Variants in PNPLA7 observed in about 807,000 individuals in gnomAD.
PNPLA7 encodes the protein patatin-like phospholipase domain-containing protein 7.
Under a neutral mutation model 161.7 loss-of-function variants are expected in PNPLA7, and 153 were observed. The ratio of observed to expected loss-of-function variants is 0.95; its 90% confidence interval spans 0.83 to 1.08. PNPLA7 has a LOEUF of 1.08. PNPLA7 is among the 50% of genes least tolerant of loss of function. The pLI, the probability that PNPLA7 is intolerant of heterozygous loss-of-function variation, is 0.00. For synonymous variants in PNPLA7, 809 were observed against 782.1 expected, an observed-to-expected ratio of 1.03 and a Z score of -0.57; for missense variants, 1,739 against 1,856.6, an observed-to-expected ratio of 0.94 and a Z score of 1.16.
At chr9:137,508,283 A>G (rs1464657938) in intron 12 of PNPLA7, among the ~76,000 whole-genome samples, 2 of 152,172 alleles carry the variant, frequency 1.3e-5, no homozygotes, top group African/African-American at 4.8e-5. Context: ...AAAAGGATGT[A>G]TCAGCCGGGC....
chr9:137,545,115 C>T (rs1156329821), intron 4 of PNPLA7, among the ~76,000 whole-genome samples: 1 of 152,100 alleles, frequency 6.6e-6, no homozygotes, highest in African/African-American at 2.4e-5. Flanking sequence ...CAGGGGAGGC[C>T]TCCGACAGCC....
At chr9:137,511,544 C>T (rs866628784) in intron 12 of PNPLA7, among the ~76,000 whole-genome samples, 30 of 152,262 alleles carry the variant, frequency 2.0e-4, no homozygotes, top group South Asian at 6.2e-4. Context: ...CTGGCGGTAG[C>T]GCCAGCGCCT....
rs542493703 is a variant in PNPLA7, at chr9:137,541,120, C to T, written c.667-398G>A. Among the ~76,000 whole-genome samples the T allele has an allele frequency of 2.4e-4, 37 of 152,230 alleles. No homozygotes were observed. Among genetic ancestry groups the T allele is most frequent in the Admixed American group, 6.5e-4 (10 of 15,292 alleles). On this transcript the variant is annotated intron_variant, in intron 7 of 34. Transcript: ENST00000406427. This position sits in a 1 kb window ranked among gnomAD's most constrained non-coding sequence, Gnocchi z 4.4. Reference sequence around the variant, plus strand: ...CATTAGGTAAAAAAAGAAAAGAAACCGCGCTATTTTGGTGATTTAACAAAG... The same window carrying T: ...CATTAGGTAAAAAAAGAAAAGAAACTGCGCTATTTTGGTGATTTAACAAAG...
rs1399896279 is a variant in PNPLA7 at position 137,543,231 on chromosome 9, C to T, written c.506+201G>A. 6.6e-5 allele frequency among the ~76,000 whole-genome samples: 10 copies of T among 152,210 alleles called. 1 individual carries two copies. Among genetic ancestry groups the T allele is most frequent in the Admixed American group, 6.5e-4 (10 of 15,280 alleles). ...CGCTGAAGATGAAACACCGGGAAAT[C>T]GTTCAACAGAACAAGAAAGATCTGG... is the stretch of plus-strand genomic sequence containing the variant. On this transcript the variant is annotated intron_variant, in intron 6 of 34. Transcript: ENST00000406427. This position sits in a 1 kb window ranked among gnomAD's most constrained non-coding sequence, Gnocchi z 6.9.
chr9:137,493,158 A>C, intron 19 of PNPLA7, 76 bp from the exon 20 acceptor site: 2 of 1,457,502 alleles, frequency 1.4e-6, no homozygotes, highest in Non-Finnish European at 1.9e-6. Flanking sequence ...AGTGATGCTC[A>C]ACAACAGCGA....
Position 137,490,441 on chromosome 9 carries a change from G to A in PNPLA7, c.2197+2572C>T, listed in dbSNP as rs1201852865. The stretch of plus-strand genomic sequence containing the variant: ...AGAGAGAAATGATGCGTTACCTACT[G>A]GAGAACATCTGGATACCTGGATCCT... On this transcript the variant is annotated intron_variant, in intron 20 of 34. Coordinates refer to ENST00000406427, the MANE Select transcript of PNPLA7 (RefSeq NM_001098537.3). The surrounding 1 kb of genome is among the most constrained non-coding windows in gnomAD (Gnocchi z 4.1). Among the ~76,000 whole-genome samples the A allele has an allele frequency of 6.6e-6, 1 of 152,148 alleles. No individual in the cohort carries two copies. Among genetic ancestry groups the A allele is most frequent in the Non-Finnish European group, 1.5e-5 (1 of 68,030 alleles).
At chr9:137,519,459 C>A (rs572875631) in intron 11 of PNPLA7, among the ~76,000 whole-genome samples, 1 of 152,242 alleles carries the variant, frequency 6.6e-6, no homozygotes, top group Non-Finnish European at 1.5e-5. Flanking sequence ...GGGTCCTGGG[C>A]CTGTCTGAGG....
chr9:137,519,310 C>T (rs1834860622), intron 11 of PNPLA7, among the ~76,000 whole-genome samples: 1 of 152,258 alleles, frequency 6.6e-6, no homozygotes, highest in South Asian at 2.1e-4. Flanking sequence ...ACCGCTTCCT[C>T]CTCAGATTCA....
chr9:137,515,602 G>C, intron 11 of PNPLA7, 83 bp from the exon 12 acceptor site: 1 of 1,433,204 alleles, frequency 7.0e-7, no homozygotes, highest in African/African-American at 1.4e-5. Context: ...CACGCAGGGA[G>C]CAGGGTCCCC....
At position 137,460,083 on chromosome 9, in the gene PNPLA7, G is replaced by A. The variant is rs1831097716; in HGVS notation, c.*310C>T. The A allele has an allele frequency of 9.3e-6, 3 of 322,398 alleles. No homozygotes were observed. Among genetic ancestry groups the A allele is most frequent in the African/African-American group, 4.3e-5 (2 of 46,714 alleles). 20.0% of individuals were successfully genotyped at this position (322,398 alleles called of 1,614,324 possible). ...TTGGGGGCCTCACAGGGCAGCAGGT[G>A]GTTCACAGGGCTTCGGGGGGCCTCA... On this transcript the variant is annotated 3_prime_UTR_variant, in exon 35 of 35. Coordinates refer to ENST00000406427, the MANE Select transcript of PNPLA7 (RefSeq NM_001098537.3).
intron 22 of PNPLA7, 108 bp downstream of exon 22, chr9:137,480,852 A>G (rs952904785): frequency 7.5e-6 from 9 of 1,192,094 alleles, no homozygotes; most frequent in Admixed American, 2.0e-5. Context: ...AGTGTGCTGG[A>G]CGAGGAGCAC....
In PNPLA7 at chr9:137,521,597, T is replaced by C. The variant is rs776989333; in HGVS notation, c.957+39A>G. On this transcript the variant is annotated intron_variant, in intron 10 of 34. Coordinates refer to ENST00000406427, the MANE Select transcript of PNPLA7 (RefSeq NM_001098537.3). ...AATAGCTGTCCCGATGCCAGCTGCA[T>C]GGAGCAGCATGGGGCTTTGTGAGGT... The C allele has an allele frequency of 5.0e-6, 8 of 1,595,252 alleles. No individual in the cohort carries two copies. The South Asian group carries it at 6.7e-5, about 13-fold the overall frequency.
chr9:137,475,692 T>TA (rs778469178), intron 25 of PNPLA7, among the ~76,000 whole-genome samples: 106 of 147,518 alleles, frequency 7.2e-4, no homozygotes, highest in African/African-American at 2.0e-3. Flanking sequence ...GTTTTTTTTT[T>TA]AAAAAAAAAG....
chr9:137,543,003 C>T lies in PNPLA7; in HGVS notation c.507-202G>A, dbSNP rs538577065. On this transcript the variant is annotated intron_variant, in intron 6 of 34. Transcript: ENST00000406427. The surrounding 1 kb of genome is among the most constrained non-coding windows in gnomAD (Gnocchi z 6.9). ...AAATTCCCGTGAGCCTGTTTTCCAT[C>T]ACCTCAGAGAACTTCTTGACCCGTG... Among the ~76,000 whole-genome samples, 5 of 152,330 alleles carry T rather than the reference C, an allele frequency of 3.3e-5. No individual in the cohort carries two copies. Among genetic ancestry groups the T allele is most frequent in the African/African-American group, 1.2e-4 (5 of 41,576 alleles).
rs1051571444 is a variant in PNPLA7 at position 137,461,813 on chromosome 9, G to C, written c.3756+118C>G. On this transcript the variant is annotated intron_variant, in intron 32 of 34. Coordinates refer to ENST00000406427, the MANE Select transcript of PNPLA7 (RefSeq NM_001098537.3). ...TCCTGGCCCTGGAGTCTTTGGCCAGGGGGGCAGGGCCTGTGGCCTGAGGAG... is the reference window on the plus strand; with the variant it reads ...TCCTGGCCCTGGAGTCTTTGGCCAGCGGGGCAGGGCCTGTGGCCTGAGGAG... 4.3e-5 allele frequency: 54 copies of C among 1,263,548 alleles called. 2 individuals are homozygous for C. The Middle Eastern group carries it at 1.4e-3, about 32-fold the overall frequency. 78.3% of individuals were successfully genotyped at this position (1,263,548 alleles called of 1,614,324 possible). A position where few individuals can be genotyped will look rare whatever the true frequency, so the allele number is the denominator to read the frequency against.
chr9:137,522,190 T>C (rs1012498427), intron 9 of PNPLA7, among the ~76,000 whole-genome samples: 3 of 152,346 alleles, frequency 2.0e-5, no homozygotes, highest in African/African-American at 7.2e-5. Flanking sequence ...TTCTCCTGCC[T>C]CAGCCTCCCG....
chr9:137,542,258 C>G (rs1262499339), intron 7 of PNPLA7, among the ~76,000 whole-genome samples: 1 of 152,066 alleles, frequency 6.6e-6, no homozygotes, highest in Non-Finnish European at 1.5e-5. Flanking sequence ...CGCCTGAGCA[C>G]AGGAATTGCT....
At position 137,467,438 on chromosome 9, in the gene PNPLA7, G is replaced by A. The variant is rs538892595; in HGVS notation, c.2918C>T (p.Ala973Val). 1.9e-5 allele frequency: 30 copies of A among 1,613,152 alleles called. 1 individual carries two copies. The South Asian group carries it at 2.4e-4, about 13-fold the overall frequency. The change falls in exon 26 of 35, where the codon GCG becomes GTG. Residue 973 changes from alanine to valine, a missense_variant. Ala to Val is a moderately conservative substitution (Grantham distance 64). This residue lies in a region of PNPLA7 where 703 missense variants were observed against 694.6 expected (regional missense o/e 1.01). Coordinates refer to ENST00000406427, the MANE Select transcript of PNPLA7 (RefSeq NM_001098537.3). This position sits in a 1 kb window ranked among gnomAD's most constrained non-coding sequence, Gnocchi z 5.1. ...CATGTCCACAGGGATGCCGCACTCC[G>A]CCAAGGCCTTGAGAACGCCCACCTG... ...CAQVGVLKAL[A>V]ECGIPVDMVG...
chr9:137,497,681 C>A (rs1375168507), intron 17 of PNPLA7, among the ~76,000 whole-genome samples: 1 of 152,220 alleles, frequency 6.6e-6, no homozygotes, highest in Non-Finnish European at 1.5e-5. Flanking sequence ...GCGCACACCA[C>A]CACGCCCAGC....
Sources: allele counts gnomAD v4.1 joint callset (sites outside exome capture counted in the v4.1 genomes callset), GRCh38; gene constraint gnomAD v4.1.1; regional missense constraint gnomAD v4.1.1; non-coding constraint Gnocchi (gnomAD v3.1); transcripts MANE v1.5; gene names NCBI Gene and HGNC (gene_info 2026-07-23, HGNC 2026-07-21).